Variants in EVC2 observed in about 807,000 individuals in gnomAD.
EVC2 encodes limbin.
In EVC2, 148 loss-of-function variants were observed where a neutral mutation model predicts 149.3. That is an observed-to-expected ratio of 0.99 (90% CI 0.87 to 1.14). The LOEUF is 1.14. Ranked by LOEUF, EVC2 falls within the 50% of genes most tolerant of loss-of-function variation. The probability of loss-of-function intolerance (pLI) is 0.00; values close to 1 mark genes in which losing one functional copy is unlikely to be tolerated. For synonymous variants in EVC2, 776 were observed against 649.9 expected (o/e 1.19, Z -2.95); for missense variants, 1,854 against 1,627.3 (o/e 1.14, Z -2.40).
chr4:5,630,601 G>A (rs1348014637), intron 11 of EVC2, among the ~76,000 whole-genome samples: 1 of 152,132 alleles, frequency 6.6e-6, no homozygotes, highest in Non-Finnish European at 1.5e-5. Context: ...AAATAGCAGT[G>A]TCCACTACAT....
At position 5,568,765 on chromosome 4, in the gene EVC2, G is replaced by T. The variant is rs1722470670; in HGVS notation, c.3361-125C>A. On this transcript the variant is annotated intron_variant, in intron 19 of 21. Coordinates refer to ENST00000344408, the MANE Select transcript of EVC2 (RefSeq NM_147127.5). ...ATAAATATTTCAGTAGCTTAGTCTG[G>T]AAAACATGTTCCCGAACTTTCAGAG... 1.9e-5 allele frequency: 22 copies of T among 1,179,644 alleles called. No homozygotes were observed. In the South Asian group the frequency reaches 2.9e-4, roughly 15 times the overall value. 73.1% of individuals were successfully genotyped at this position (1,179,644 alleles called of 1,614,324 possible).
intron 21 of EVC2, among the ~76,000 whole-genome samples, chr4:5,551,198 C>T (rs1278784088): frequency 6.6e-6 from 1 of 152,178 alleles, no homozygotes; most frequent in Non-Finnish European, 1.5e-5. Flanking sequence ...GGTAGATCCA[C>T]TGACAGCTTG....
At chr4:5,638,109 C>G (rs1258149194) in intron 10 of EVC2, among the ~76,000 whole-genome samples, 1 of 152,016 alleles carries the variant, frequency 6.6e-6, no homozygotes, top group African/African-American at 2.4e-5. Flanking sequence ...AAAAAATTGG[C>G]CATGCGTGGT....
intron 9 of EVC2, among the ~76,000 whole-genome samples, chr4:5,650,785 A>G (rs898935034): frequency 6.6e-6 from 1 of 152,056 alleles, no homozygotes; most frequent in African/African-American, 2.4e-5. Flanking sequence ...TCATATAACT[A>G]TTAAATGACA....
chr4:5,538,203 C>T (rs960674245), downstream of EVC2, among the ~76,000 whole-genome samples: 3 of 152,038 alleles, frequency 2.0e-5, no homozygotes, highest in South Asian at 2.1e-4. Context: ...ATATTATGAA[C>T]AGCTTTATGC....
chr4:5,584,649 T>C lies in EVC2; in HGVS notation c.3031A>G (p.Thr1011Ala). 2 of 1,613,820 alleles carry C rather than the reference T, an allele frequency of 1.2e-6. No individual in the cohort carries two copies. Among genetic ancestry groups the C allele is most frequent in the South Asian group, 2.2e-5 (2 of 90,950 alleles). ...ASEMLTKSAC[T>A]QILESHSREL... is the part of the protein sequence containing the mutation. ...CGGCTGTGCGACTCCAGGATCTGTG[T>C]GCAGGCCGACTTGGTCAGCATCTCA... is the stretch of plus-strand genomic sequence containing the variant. Residue 1011 changes from threonine (T) to alanine (A), a missense_variant, in exon 17 of 22, where the codon ACA (threonine) becomes GCA (alanine). Coordinates refer to ENST00000344408, the MANE Select transcript of EVC2 (RefSeq NM_147127.5).
At chr4:5,628,126 GA>G (rs1366067683) in intron 12 of EVC2, among the ~76,000 whole-genome samples, 3 of 151,794 alleles carry the variant, frequency 2.0e-5, no homozygotes, top group African/African-American at 7.3e-5. Flanking sequence ...CACATACGCT[GA>G]ATAAACAGTA....
intron 1 of EVC2, among the ~76,000 whole-genome samples, chr4:5,703,690 G>T (rs1276495635): frequency 6.6e-6 from 1 of 152,062 alleles, no homozygotes; most frequent in East Asian, 1.9e-4. Context: ...TGACAAACGA[G>T]ACATCAAAAG....
intron 9 of EVC2, among the ~76,000 whole-genome samples, chr4:5,655,275 C>T (rs78471138): frequency 1.5e-3 from 235 of 152,308 alleles, no homozygotes; most frequent in African/African-American, 5.5e-3. Flanking sequence ...TGCTGTCCAC[C>T]TTAGCTGACC....
At chr4:5,608,590 A>G (rs1332109456) in intron 16 of EVC2, among the ~76,000 whole-genome samples, 2 of 151,962 alleles carry the variant, frequency 1.3e-5, no homozygotes, top group Admixed American at 6.6e-5. Flanking sequence ...CTGGAGTGCA[A>G]TGGCGCAATT....
intron 7 of EVC2, among the ~76,000 whole-genome samples, chr4:5,680,842 T>C (rs1159350234): frequency 1.3e-5 from 2 of 152,192 alleles, no homozygotes; most frequent in African/African-American, 4.8e-5. Context: ...ATGATTAAAC[T>C]GAAGAACAGA....
chr4:5,680,778 C>A (rs796218071), intron 7 of EVC2, among the ~76,000 whole-genome samples: 1 of 152,162 alleles, frequency 6.6e-6, no homozygotes, highest in African/African-American at 2.4e-5. Flanking sequence ...AGTGTTGTTA[C>A]CTGGTGAATT....
At chr4:5,698,207 G>T (rs542860953) in intron 1 of EVC2, among the ~76,000 whole-genome samples, 9 of 152,302 alleles carry the variant, frequency 5.9e-5, no homozygotes, top group African/African-American at 2.2e-4. Flanking sequence ...GCCGCACCAT[G>T]TGATTGAAAT....
At chr4:5,611,522 T>A (rs1714819540) in intron 16 of EVC2, among the ~76,000 whole-genome samples, 1 of 151,752 alleles carries the variant, frequency 6.6e-6, no homozygotes, top group African/African-American at 2.4e-5. Context: ...GGACCATGGG[T>A]GACAAAGAAA....
chr4:5,593,041 C>T (rs1349882423), intron 16 of EVC2, among the ~76,000 whole-genome samples: 1 of 152,190 alleles, frequency 6.6e-6, no homozygotes, highest in African/African-American at 2.4e-5. Context: ...CTTTGCTCTG[C>T]AATTCTCCTT....
rs114721907 is a variant in EVC2, at chr4:5,547,186, G to A, written c.3420-3974C>T. ...AAAGTCAGGGCCAAGTCACAGCTTC[G>A]CCAGGTGTGCACACACTTTGGGCGG... On this transcript the variant is annotated intron_variant and NMD_transcript_variant, in intron 21 of 22. Transcript: ENST00000475313. Among the ~76,000 whole-genome samples the A allele has an allele frequency of 8.7e-3, 1,332 of 152,332 alleles. 15 individuals carry two copies. Among genetic ancestry groups the A allele is most frequent in the Middle Eastern group, 0.02 (6 of 294 alleles).
intron 9 of EVC2, among the ~76,000 whole-genome samples, chr4:5,662,472 ATAATATTAAATATAATAT>A (rs1560205823): frequency 7.0e-6 from 1 of 143,818 alleles, no homozygotes; most frequent in Admixed American, 7.1e-5. Context: ...TATTATTAAT[ATAATATTAAATATAATAT>A]TAATATTAAA....
At chr4:5,615,298 T>G in intron 16 of EVC2, 124 bp downstream of exon 16, 3 of 1,494,054 alleles carry the variant, frequency 2.0e-6, no homozygotes, top group South Asian at 1.2e-5. Flanking sequence ...CCTGAGTGAG[T>G]GAGCGGTTGG....
chr4:5,543,280 A>G lies in EVC2; in HGVS notation c.3420-68T>C, dbSNP rs144399344. The G allele has an allele frequency of 1.7e-5, 19 of 1,088,792 alleles. No homozygotes were observed. In the Middle Eastern group the frequency reaches 1.0e-3, roughly 57 times the overall value. 67.4% of individuals were successfully genotyped at this position (1,088,792 alleles called of 1,614,324 possible). A position where few individuals can be genotyped will look rare whatever the true frequency, so the allele number is the denominator to read the frequency against. Reference sequence around the variant, plus strand: ...TCCCTACCCACATTGTACCATCACCATCCACCCCAAGCCGGCAGGAGCACT... The same window carrying G: ...TCCCTACCCACATTGTACCATCACCGTCCACCCCAAGCCGGCAGGAGCACT... On this transcript the variant is annotated intron_variant and NMD_transcript_variant, in intron 21 of 22. Transcript: ENST00000475313.
Sources: allele counts gnomAD v4.1 joint callset (sites outside exome capture counted in the v4.1 genomes callset), GRCh38; gene constraint gnomAD v4.1.1; transcripts MANE v1.5; gene names NCBI Gene and HGNC (gene_info 2026-07-23, HGNC 2026-07-21).